The following ZNF676 variants were observed in gnomAD, a reference collection of about 807,000 sequenced individuals.
ZNF676 encodes the protein zinc finger protein 676.
ZNF676 carries 4 observed loss-of-function variants against 6.0 expected under a neutral mutation model. The ratio of observed to expected loss-of-function variants is 0.67; its 90% CI spans 0.33 to 1.53. The LOEUF (loss-of-function observed/expected upper bound fraction) is 1.53. ZNF676 is among the 40% of genes most tolerant of loss of function. ZNF676 has a pLI of 0.06. For synonymous variants in ZNF676, 198 were observed against 223.1 expected (o/e 0.89, Z 1.00); for missense variants, 644 against 679.7 (o/e 0.95, Z 0.58).
chr19:22,253,353 G>GGTGTGTGTGT, the ZNF676 span, among the ~76,000 whole-genome samples: 1 of 105,832 alleles, frequency 9.4e-6, no homozygotes, highest in African/African-American at 4.0e-5. Flanking sequence ...TATGATAATG[G>GGTGTGTGTGT]GTGTGTGTGT....
chr19:22,246,779 T>C, the ZNF676 span, among the ~76,000 whole-genome samples: 3 of 152,332 alleles, frequency 2.0e-5, no homozygotes, highest in Non-Finnish European at 2.9e-5. Context: ...CCACTCTTCC[T>C]TTTGTGCACA....
At chr19:22,230,985 G>C in the ZNF676 span, among the ~76,000 whole-genome samples, 1 of 151,478 alleles carries the variant, frequency 6.6e-6, no homozygotes, top group African/African-American at 2.4e-5. Flanking sequence ...TTATTTTCTT[G>C]GATAGATATT....
At chr19:22,236,500 A>G in the ZNF676 span, among the ~76,000 whole-genome samples, 56,907 of 151,886 alleles carry the variant, frequency 0.37, 10,777 homozygotes, top group African/African-American at 0.44. Flanking sequence ...CCTTTCCCCA[A>G]TGCACAGTTA....
At chr19:22,234,970 A>C in the ZNF676 span, among the ~76,000 whole-genome samples, 1 of 30,222 alleles carries the variant, frequency 3.3e-5, no homozygotes, top group African/African-American at 1.6e-4. Context: ...AAGAGAAAGA[A>C]AGAAAGAAAG....
rs770430021 is a variant in ZNF676 at position 22,181,520 on chromosome 19, ATT to A, written c.195_196del (p.Lys65AsnfsTer7). The A allele has an allele frequency of 1.1e-5, 18 of 1,611,268 alleles. No individual in the cohort carries two copies. The highest frequency in any genetic ancestry group is 1.7e-5 in the Admixed American group (1 of 59,530). On this transcript the variant is annotated frameshift_variant, in exon 3 of 3. Coordinates refer to ENST00000397121, the MANE Select transcript of ZNF676 (RefSeq NM_001001411.3). LOFTEE classifies it low-confidence loss of function (END_TRUNC). Reference sequence around the variant, plus strand: ...ACATTTGTCATATCTTCTCAATATCATTTTTTGGAAAGAATCTTCTATGCCTT... The same window carrying A: ...ACATTTGTCATATCTTCTCAATATCATTTTGGAAAGAATCTTCTATGCCTT...
intron 1 of ZNF676, among the ~76,000 whole-genome samples, chr19:22,210,829 C>G (rs1345437269): frequency 6.6e-6 from 1 of 152,184 alleles, no homozygotes; most frequent in Non-Finnish European, 1.5e-5. Context: ...CTGAGCTACT[C>G]TCAGTCCGAG....
chr19:22,199,158 T>G (rs559723745), upstream of ZNF676, among the ~76,000 whole-genome samples: 1 of 152,272 alleles, frequency 6.6e-6, no homozygotes, highest in South Asian at 2.1e-4. Context: ...GACTTGGTAA[T>G]TTTGGCCCCA....
At chr19:22,218,328 A>C (rs957690059), upstream of ZNF676, among the ~76,000 whole-genome samples, 2 of 151,496 alleles carry the variant, frequency 1.3e-5, no homozygotes, top group African/African-American at 4.8e-5. Flanking sequence ...AGATGAAGAT[A>C]CTTTTTTTTT....
At chr19:22,259,670 G>A in the ZNF676 span, 1 of 152,232 alleles carries the variant, frequency 6.6e-6, no homozygotes, top group South Asian at 2.1e-4. Flanking sequence ...GCTTCAAATA[G>A]TTTTGAGCTT....
the ZNF676 span, chr19:22,243,899 G>C: frequency 6.6e-6 from 1 of 152,368 alleles, no homozygotes; most frequent in Admixed American, 6.5e-5. Flanking sequence ...CCATGTGTAA[G>C]GGTGACAGTC....
chr19:22,239,431 C>T, the ZNF676 span, among the ~76,000 whole-genome samples: 3 of 152,000 alleles, frequency 2.0e-5, no homozygotes, highest in African/African-American at 4.8e-5. Flanking sequence ...CCGCCCACCT[C>T]GGCCTCCCAA....
At chr19:22,222,357 C>T in the ZNF676 span, among the ~76,000 whole-genome samples, 5 of 152,114 alleles carry the variant, frequency 3.3e-5, no homozygotes, top group Admixed American at 6.6e-5. Flanking sequence ...CTGCCTGCCT[C>T]GGCCTCCCAG....
At chr19:22,256,544 G>T in the ZNF676 span, among the ~76,000 whole-genome samples, 1 of 152,178 alleles carries the variant, frequency 6.6e-6, no homozygotes, top group Non-Finnish European at 1.5e-5. Flanking sequence ...TATAGGCAGG[G>T]TGCAGGTAGA....
At chr19:22,194,377 A>G (rs1039936844) in intron 1 of ZNF676, among the ~76,000 whole-genome samples, 5 of 152,190 alleles carry the variant, frequency 3.3e-5, no homozygotes, top group African/African-American at 1.2e-4. Context: ...GATCCACACA[A>G]AGCTTGGGGA....
the ZNF676 span, among the ~76,000 whole-genome samples, chr19:22,240,628 T>C: frequency 6.6e-6 from 1 of 152,068 alleles, no homozygotes; most frequent in African/African-American, 2.4e-5. Context: ...GCCCCATCTC[T>C]ACTAAAAATA....
upstream of ZNF676, among the ~76,000 whole-genome samples, chr19:22,216,172 C>A (rs149697837): frequency 6.6e-6 from 1 of 152,196 alleles, no homozygotes; most frequent in Non-Finnish European, 1.5e-5. Context: ...CAGTGGCTTA[C>A]GCCTTTAATC....
chr19:22,225,888 T>G, the ZNF676 span, among the ~76,000 whole-genome samples: 20 of 152,156 alleles, frequency 1.3e-4, no homozygotes, highest in Admixed American at 3.3e-4. Flanking sequence ...ATTTCCTAAG[T>G]GGCATTGTCA....
chr19:22,190,664 T>C lies in ZNF676; in HGVS notation c.130+2352A>G, dbSNP rs866708209. On this transcript the variant is annotated intron_variant, in intron 2 of 2. Coordinates refer to ENST00000397121, the MANE Select transcript of ZNF676 (RefSeq NM_001001411.3). ...ATATATATATATATATATATATATA[T>C]ACATACACACTTTAAGATATATGGT... Among the ~76,000 whole-genome samples, 164 of 111,814 alleles carry C rather than the reference T, an allele frequency of 1.5e-3. 5 individuals are homozygous for C. Among genetic ancestry groups the C allele is most frequent in the African/African-American group, 4.6e-3 (87 of 19,074 alleles). 73.4% of individuals were successfully genotyped at this position (111,814 alleles called of 152,430 possible).
chr19:22,195,024 T>C lies in ZNF676; in HGVS notation c.34+1576A>G, dbSNP rs188025837. On this transcript the variant is annotated intron_variant, in intron 1 of 2. Transcript: ENST00000397121. The stretch of plus-strand genomic sequence containing the variant: ...CAAGGCATCACTGTAATCCCAGGAG[T>C]AGTTGACTCCAATTATAAAGGAGAA... Among the ~76,000 whole-genome samples the C allele has an allele frequency of 2.6e-5, 4 of 152,218 alleles. No individual in the cohort carries two copies. In the East Asian group the frequency reaches 7.7e-4, roughly 29 times the overall value.
Sources: gnomAD v4.1 joint callset for allele counts (sites outside exome capture counted in the v4.1 genomes callset) on GRCh38, gnomAD v4.1.1 for gene constraint, MANE v1.5 for transcripts, NCBI Gene and HGNC (gene_info 2026-07-23, HGNC 2026-07-21) for gene names.